The following NF2 variants were observed in gnomAD, a reference collection of about 807,000 sequenced individuals.
NF2 encodes the protein NF2, moesin-ezrin-radixin like (MERLIN) tumor suppressor.
In NF2, 8 loss-of-function variants were observed where a neutral mutation model predicts 83.7. That is an observed-to-expected ratio of 0.10 (90% CI 0.06 to 0.17). The LOEUF (loss-of-function observed/expected upper bound fraction) is 0.17. Ranked by LOEUF, NF2 falls within the 10% of genes least tolerant of loss-of-function variation. The pLI, the probability that NF2 is intolerant of heterozygous loss-of-function variation, is 1.00. For synonymous variants in NF2, 266 were observed against 269.6 expected, an observed-to-expected ratio of 0.99 and a Z score of 0.13; for missense variants, 533 against 744.4, an observed-to-expected ratio of 0.72 and a Z score of 3.31.
chr22:29,646,477 G>A (rs529454394), intron 4 of NF2, among the ~76,000 whole-genome samples: 1 of 152,192 alleles, frequency 6.6e-6, no homozygotes, highest in South Asian at 2.1e-4. Context: ...AAGTCATACT[G>A]GTTCCTTCCA....
chr22:29,637,690 A>ATT (rs35261503), intron 2 of NF2, among the ~76,000 whole-genome samples: 6 of 146,708 alleles, frequency 4.1e-5, no homozygotes, highest in South Asian at 2.2e-4. Context: ...AAAGCTTCCT[A>ATT]TTTTTTTTTT....
intron 2 of NF2, among the ~76,000 whole-genome samples, chr22:29,637,557 G>A (rs1201931977): frequency 6.6e-6 from 1 of 152,210 alleles, no homozygotes; most frequent in African/African-American, 2.4e-5. Context: ...CAGGCGGGGA[G>A]CAGGACCATA....
rs1167205700 is a variant in NF2 at position 29,674,702 on chromosome 22, T to G, written c.1341-134T>G. The G allele has an allele frequency of 5.4e-6, 4 of 734,178 alleles. No homozygotes were observed. The African/African-American group carries it at 7.0e-5, about 13-fold the overall frequency. The allele number at this position is 734,178 out of a possible 1,614,324, so 45.5% of individuals were successfully genotyped here. A position where few individuals can be genotyped will look rare whatever the true frequency, so the allele number is the denominator to read the frequency against. ...CTGATTTCATGTAAATATCCCTGTCTCACTGTCCTTTTTCACCTCTTTGGG... is the reference window on the plus strand; with the variant it reads ...CTGATTTCATGTAAATATCCCTGTCGCACTGTCCTTTTTCACCTCTTTGGG... On this transcript the variant is annotated intron_variant, in intron 12 of 15. Coordinates refer to ENST00000338641, the MANE Select transcript of NF2 (RefSeq NM_000268.4).
At chr22:29,628,140 CTGTGTGTGTGTGTGTGTGTGTG>C (rs3138701) in intron 1 of NF2, among the ~76,000 whole-genome samples, 1 of 139,676 alleles carries the variant, frequency 7.2e-6, no homozygotes. Flanking sequence ...GAGACTTAAT[CTGTGTGTGTGTGTGTGTGTGTG>C]TGTGTGTGTG....
chr22:29,674,341 C>T (rs984426573), intron 12 of NF2, among the ~76,000 whole-genome samples: 5 of 152,160 alleles, frequency 3.3e-5, no homozygotes, highest in African/African-American at 4.8e-5. Context: ...CACCAGGGTG[C>T]GGGTGCCCTC....
At chr22:29,608,166 CT>C (rs1403818423) in intron 1 of NF2, among the ~76,000 whole-genome samples, 1 of 55,032 alleles carries the variant, frequency 1.8e-5, no homozygotes, top group Non-Finnish European at 3.1e-5. Context: ...GAGCAAGACT[CT>C]GTCTCAAAAA....
At chr22:29,663,245 G>T (rs577249933) in intron 8 of NF2, among the ~76,000 whole-genome samples, 1 of 152,068 alleles carries the variant, frequency 6.6e-6, no homozygotes, top group Admixed American at 6.6e-5. Context: ...TTTATTGCAC[G>T]TCCACACATT....
intron 8 of NF2, among the ~76,000 whole-genome samples, chr22:29,661,883 G>A (rs1256178387): frequency 6.6e-6 from 1 of 152,064 alleles, no homozygotes; most frequent in Non-Finnish European, 1.5e-5. Flanking sequence ...ATACACATAT[G>A]GACATATATG....
At chr22:29,685,901 G>T (rs1203894268) in intron 15 of NF2, among the ~76,000 whole-genome samples, 1 of 151,864 alleles carries the variant, frequency 6.6e-6, no homozygotes, top group Admixed American at 6.6e-5. Flanking sequence ...ATTAACCGAG[G>T]TTCCTACTTC....
intron 10 of NF2, among the ~76,000 whole-genome samples, chr22:29,670,864 G>A (rs2066762835): frequency 6.6e-6 from 1 of 152,176 alleles, no homozygotes; most frequent in African/African-American, 2.4e-5. Flanking sequence ...GCTCCCTCCT[G>A]TCCTAGGCCT....
At chr22:29,615,950 A>G (rs1230469516) in intron 1 of NF2, among the ~76,000 whole-genome samples, 2 of 152,224 alleles carry the variant, frequency 1.3e-5, no homozygotes, top group Admixed American at 1.3e-4. Context: ...TGAATGGATA[A>G]ACAAAATGTG....
At chr22:29,644,240 A>G (rs546703428) in intron 4 of NF2, among the ~76,000 whole-genome samples, 1 of 150,288 alleles carries the variant, frequency 6.7e-6, no homozygotes, top group South Asian at 2.1e-4. Context: ...CACCTCCCAG[A>G]CGGGGTGGCG....
In NF2 at chr22:29,674,852, C is replaced by G. The variant is rs1556001358; in HGVS notation, c.1357C>G (p.Gln453Glu). 8 of 1,560,156 alleles carry G rather than the reference C, an allele frequency of 5.1e-6. No homozygotes were observed. In the South Asian group the frequency reaches 9.5e-5, roughly 18 times the overall value. The change falls in exon 13 of 16, where the codon CAG becomes GAG. Residue 453 changes from glutamine to glutamate, a missense_variant. Gln to Glu is a conservative substitution (Grantham distance 29). Coordinates refer to ENST00000338641, the MANE Select transcript of NF2 (RefSeq NM_000268.4). ...TCCTTGCAGGGCCAAAGAGGCAGAT[C>G]AGCTGAAGCAGGACCTGCAGGAAGC... Reference protein sequence around the residue: ...ESERRAKEADQLKQDLQEARE... With the variant: ...ESERRAKEADELKQDLQEARE...
At chr22:29,655,058 G>A (rs943319758) in intron 5 of NF2, among the ~76,000 whole-genome samples, 4 of 152,136 alleles carry the variant, frequency 2.6e-5, no homozygotes, top group Non-Finnish European at 4.4e-5. Context: ...TTGCAGTGGC[G>A]AGGGGCGGAT....
At chr22:29,632,974 T>C (rs1281578786) in intron 1 of NF2, among the ~76,000 whole-genome samples, 1 of 152,134 alleles carries the variant, frequency 6.6e-6, no homozygotes, top group African/African-American at 2.4e-5. Flanking sequence ...CCCCAAGACC[T>C]CTTTTCCCAG....
chr22:29,674,770 G>A (rs1310125377), intron 12 of NF2, 66 bp from the exon 13 acceptor site: 12 of 1,401,192 alleles, frequency 8.6e-6, no homozygotes, highest in African/African-American at 1.4e-5. Context: ...CTGCAGGGGT[G>A]GGGTGGTGTC....
At chr22:29,682,985 T>C in intron 15 of NF2, 1 of 1,613,308 alleles carries the variant, frequency 6.2e-7, no homozygotes, top group South Asian at 1.1e-5. Flanking sequence ...ACAGGGTATG[T>C]TTTTGTTTTT....
chr22:29,673,070 A>T, intron 11 of NF2, among the ~76,000 whole-genome samples, 199 bp from the exon 12 acceptor site: 1 of 152,276 alleles, frequency 6.6e-6, no homozygotes. Context: ...GTTACTCCCC[A>T]TGGGTGCAGC....
intron 4 of NF2, among the ~76,000 whole-genome samples, chr22:29,651,474 C>T (rs1240114633): frequency 6.6e-6 from 1 of 152,178 alleles, no homozygotes; most frequent in Non-Finnish European, 1.5e-5. Context: ...CTTAGCTTCC[C>T]AGTAAATTCA....
Sources: allele counts gnomAD v4.1 joint callset (sites outside exome capture counted in the v4.1 genomes callset), GRCh38; gene constraint gnomAD v4.1.1; transcripts MANE v1.5; gene names NCBI Gene and HGNC (gene_info 2026-07-23, HGNC 2026-07-21).